CENPP: variants seen among roughly 807,000 people sequenced by gnomAD.
CENPP encodes the protein centromere protein P.
CENPP carries 24 observed loss-of-function variants against 35.6 expected under a neutral mutation model. That is an observed-to-expected ratio of 0.67 (90% CI 0.49 to 0.95). The LOEUF (loss-of-function observed/expected upper bound fraction) is 0.95. Ranked by LOEUF, CENPP falls within the 40% of genes least tolerant of loss-of-function variation. CENPP has a pLI of 0.00. For missense variants in CENPP, 332 were observed against 345.3 expected (o/e 0.96, Z 0.31); for synonymous variants, 120 against 125.5 (o/e 0.96, Z 0.29).
intron 4 of CENPP, among the ~76,000 whole-genome samples, chr9:92,350,278 G>A (rs7020874): frequency 0.44 from 67,628 of 152,066 alleles, 17,306 homozygotes; most frequent in African/African-American, 0.7. Flanking sequence ...TCTGTTTTAC[G>A]TTTAGTGAAG....
chr9:92,343,962 C>CAAAAAA (rs35920973), intron 3 of CENPP, among the ~76,000 whole-genome samples: 5 of 60,982 alleles, frequency 8.2e-5, no homozygotes, highest in South Asian at 6.8e-4. Flanking sequence ...AACCCTGTCT[C>CAAAAAA]AAAAAAAAAA....
chr9:92,472,650 T>C (rs1045756272), intron 5 of CENPP, among the ~76,000 whole-genome samples: 20 of 152,040 alleles, frequency 1.3e-4, no homozygotes, highest in African/African-American at 4.6e-4. Flanking sequence ...AGAGCAAGAC[T>C]CTGTCTCAAA....
intron 5 of CENPP, among the ~76,000 whole-genome samples, chr9:92,556,955 T>C (rs1849737212): frequency 1.3e-5 from 2 of 152,236 alleles, no homozygotes; most frequent in African/African-American, 4.8e-5. Flanking sequence ...AGAGGTTCTA[T>C]TGTCATGTAT....
At chr9:92,483,239 T>TC (rs1489585123) in intron 5 of CENPP, among the ~76,000 whole-genome samples, 1 of 151,940 alleles carries the variant, frequency 6.6e-6, no homozygotes, top group Non-Finnish European at 1.5e-5. Context: ...TTTCTTTTTT[T>TC]TTTTTTTGAG....
At chr9:92,575,910 A>T (rs563670342) in intron 5 of CENPP, among the ~76,000 whole-genome samples, 3 of 152,350 alleles carry the variant, frequency 2.0e-5, no homozygotes, top group African/African-American at 7.2e-5. Context: ...TATAGTAGGG[A>T]TATAAAATGG....
chr9:92,416,068 A>ATTTATTTATT (rs1554760092), intron 5 of CENPP, among the ~76,000 whole-genome samples: 20 of 137,008 alleles, frequency 1.5e-4, no homozygotes, highest in African/African-American at 4.7e-4. Context: ...GTATATATAT[A>ATTTATTTATT]TATTTATTTA....
At chr9:92,453,848 G>C (rs948302230) in intron 5 of CENPP, among the ~76,000 whole-genome samples, 1 of 152,106 alleles carries the variant, frequency 6.6e-6, no homozygotes, top group Non-Finnish European at 1.5e-5. Context: ...TGCTGGGTGT[G>C]GTGGCTCACG....
At chr9:92,415,314 A>G in intron 5 of CENPP, 1 of 1,613,724 alleles carries the variant, frequency 6.2e-7, no homozygotes, top group Non-Finnish European at 8.5e-7. Flanking sequence ...TTTGACCATT[A>G]GTGCTTCGTT....
At chr9:92,346,204 T>A (rs1023892474) in intron 4 of CENPP, among the ~76,000 whole-genome samples, 8 of 152,180 alleles carry the variant, frequency 5.3e-5, no homozygotes, top group South Asian at 2.1e-4. Context: ...TATTTTTTTT[T>A]AAATTAGAGA....
At chr9:92,409,882 C>A (rs1383819188) in intron 5 of CENPP, among the ~76,000 whole-genome samples, 2 of 152,084 alleles carry the variant, frequency 1.3e-5, no homozygotes, top group African/African-American at 4.8e-5. Context: ...ATACTTTATT[C>A]TTCATCGTCT....
intron 4 of CENPP, among the ~76,000 whole-genome samples, chr9:92,352,853 C>G (rs888287419): frequency 1.4e-4 from 22 of 151,856 alleles, no homozygotes; most frequent in Non-Finnish European, 2.1e-4. Context: ...TTGGCAATAC[C>G]CTCACAGACG....
chr9:92,477,176 G>A (rs1397593873), intron 5 of CENPP, among the ~76,000 whole-genome samples: 1 of 152,174 alleles, frequency 6.6e-6, no homozygotes, highest in Non-Finnish European at 1.5e-5. Flanking sequence ...CCTGCTGGCA[G>A]GCAGGTTGAT....
At chr9:92,431,893 G>A (rs915878860) in intron 5 of CENPP, among the ~76,000 whole-genome samples, 1 of 152,028 alleles carries the variant, frequency 6.6e-6, no homozygotes, top group Non-Finnish European at 1.5e-5. Context: ...TTTCTATTAT[G>A]TAATTTTTTT....
chr9:92,501,866 C>G (rs189201797), intron 5 of CENPP, among the ~76,000 whole-genome samples: 30 of 152,362 alleles, frequency 2.0e-4, no homozygotes, highest in African/African-American at 7.0e-4. Flanking sequence ...ACTCCCTCCC[C>G]CTTCACTGAA....
intron 5 of CENPP, among the ~76,000 whole-genome samples, chr9:92,585,514 C>T (rs1004259372): frequency 1.3e-5 from 2 of 152,098 alleles, no homozygotes; most frequent in East Asian, 1.9e-4. Context: ...CATTTCTCAT[C>T]GTTAGATTTC....
At chr9:92,383,954 TA>T (rs1376615067) in intron 5 of CENPP, 1 of 152,168 alleles carries the variant, frequency 6.6e-6, no homozygotes, top group Non-Finnish European at 1.5e-5. Flanking sequence ...TTTTTCCAAA[TA>T]AAACAGAACC....
chr9:92,404,587 C>T (rs1410946857), intron 5 of CENPP: 1 of 1,291,970 alleles, frequency 7.7e-7, no homozygotes, highest in Non-Finnish European at 1.0e-6. Context: ...ATGAGAAAAG[C>T]TATGTCTTGA....
At chr9:92,486,039 G>A (rs369282218) in intron 5 of CENPP, among the ~76,000 whole-genome samples, 5 of 152,090 alleles carry the variant, frequency 3.3e-5, no homozygotes, top group Non-Finnish European at 5.9e-5. Flanking sequence ...AAGAAAGGCC[G>A]TCCACCAATC....
intron 5 of CENPP, among the ~76,000 whole-genome samples, chr9:92,508,746 T>A (rs1228303386): frequency 6.6e-6 from 1 of 152,222 alleles, no homozygotes; most frequent in Admixed American, 6.5e-5. Flanking sequence ...TCATTATTAT[T>A]GTTCTTTTCT....
Sources: allele counts gnomAD v4.1 joint callset (sites outside exome capture counted in the v4.1 genomes callset), GRCh38; gene constraint gnomAD v4.1.1; transcripts MANE v1.5; gene names NCBI Gene and HGNC (gene_info 2026-07-23, HGNC 2026-07-21).